The following KCNIP4 variants were observed in gnomAD, a reference collection of about 807,000 sequenced individuals.
The protein encoded by KCNIP4 is potassium voltage-gated channel interacting protein 4.
Under a neutral mutation model 34.0 loss-of-function variants are expected in KCNIP4, and 12 were observed. The ratio of observed to expected loss-of-function variants is 0.35; its 90% CI spans 0.23 to 0.57. The LOEUF (loss-of-function observed/expected upper bound fraction) is 0.57. Ranked by LOEUF, KCNIP4 falls within the 20% of genes least tolerant of loss-of-function variation. KCNIP4 has a pLI of 0.83. For missense variants in KCNIP4, 238 were observed against 311.7 expected, an observed-to-expected ratio of 0.76 and a Z score of 1.78; for synonymous variants, 124 against 102.2, an observed-to-expected ratio of 1.21 and a Z score of -1.29.
At chr4:20,977,641 G>A (rs1490593798) in intron 1 of KCNIP4, among the ~76,000 whole-genome samples, 2 of 152,134 alleles carry the variant, frequency 1.3e-5, no homozygotes, top group African/African-American at 4.8e-5. Flanking sequence ...ACATTGCCAG[G>A]TCCAAGCAGA....
At chr4:20,877,913 T>C (rs1285316244) in intron 2 of KCNIP4, among the ~76,000 whole-genome samples, 1 of 152,120 alleles carries the variant, frequency 6.6e-6, no homozygotes, top group Non-Finnish European at 1.5e-5. Context: ...CAATTGTGAA[T>C]TGGGTAAAAC....
chr4:21,874,035 T>C (rs1209693975), intron 1 of KCNIP4, among the ~76,000 whole-genome samples: 6 of 152,212 alleles, frequency 3.9e-5, no homozygotes, highest in Non-Finnish European at 8.8e-5. Context: ...AATCCTGGGC[T>C]CTTGCCAAGC....
chr4:20,881,717 A>G (rs1388282044), intron 2 of KCNIP4, among the ~76,000 whole-genome samples: 1 of 152,238 alleles, frequency 6.6e-6, no homozygotes, highest in Admixed American at 6.5e-5. Flanking sequence ...TCGGCAGGCT[A>G]TAGTACACAG....
chr4:21,764,164 T>A (rs1233310296), intron 1 of KCNIP4, among the ~76,000 whole-genome samples: 1 of 152,142 alleles, frequency 6.6e-6, no homozygotes, highest in Non-Finnish European at 1.5e-5. Context: ...TTTTCCATAA[T>A]GGCTGGAGAT....
At chr4:21,206,938 A>C (rs1756889757) in intron 1 of KCNIP4, among the ~76,000 whole-genome samples, 1 of 152,150 alleles carries the variant, frequency 6.6e-6, no homozygotes, top group African/African-American at 2.4e-5. Context: ...CATGTTTATG[A>C]GTGTACTCAT....
chr4:21,104,575 C>T (rs997594406), intron 1 of KCNIP4, among the ~76,000 whole-genome samples: 1 of 152,072 alleles, frequency 6.6e-6, no homozygotes, highest in Non-Finnish European at 1.5e-5. Context: ...GTTTCTTTTG[C>T]TGTGCAGAAG....
intron 3 of KCNIP4, among the ~76,000 whole-genome samples, chr4:20,805,164 C>T (rs1714897941): frequency 7.0e-6 from 1 of 141,874 alleles, no homozygotes; most frequent in South Asian, 2.3e-4. Context: ...AAATACTAAG[C>T]AGAAAATATC....
chr4:21,300,511 A>C (rs1341725834), intron 1 of KCNIP4, among the ~76,000 whole-genome samples: 4 of 152,178 alleles, frequency 2.6e-5, no homozygotes, highest in Non-Finnish European at 5.9e-5. Flanking sequence ...AATAAATATT[A>C]ATGGAATTAC....
intron 1 of KCNIP4, among the ~76,000 whole-genome samples, chr4:21,833,811 G>A (rs1164789260): frequency 3.3e-5 from 5 of 152,092 alleles, no homozygotes; most frequent in African/African-American, 1.2e-4. Flanking sequence ...CCTACATATG[G>A]CTAGCCAGTT....
intron 3 of KCNIP4, among the ~76,000 whole-genome samples, chr4:20,811,853 A>G (rs1185348556): frequency 7.2e-5 from 11 of 152,216 alleles, no homozygotes; most frequent in Admixed American, 7.2e-4. Context: ...GATTCAATGA[A>G]TGAGGCAGAG....
chr4:20,896,283 A>G (rs1301427996), intron 1 of KCNIP4, among the ~76,000 whole-genome samples: 2 of 152,148 alleles, frequency 1.3e-5, no homozygotes, highest in African/African-American at 4.8e-5. Context: ...CCCCTGTAGG[A>G]ATTTAACTTT....
intron 1 of KCNIP4, among the ~76,000 whole-genome samples, chr4:20,891,535 G>A (rs912417872): frequency 3.3e-5 from 5 of 152,128 alleles, no homozygotes; most frequent in African/African-American, 1.2e-4. Context: ...AACCCGGGAG[G>A]CAGAGGTTGC....
chr4:20,734,431 T>A lies in KCNIP4; in HGVS notation c.537+197A>T, dbSNP rs73110230. Among the ~76,000 whole-genome samples the A allele has an allele frequency of 9.7e-3, 1,483 of 152,328 alleles. 16 individuals are homozygous for A. Among genetic ancestry groups the A allele is most frequent in the African/African-American group, 0.033 (1,392 of 41,564 alleles). On this transcript the variant is annotated intron_variant, in intron 6 of 8. Coordinates refer to ENST00000382152, the MANE Select transcript of KCNIP4 (RefSeq NM_025221.6). ...AGGAAACAAGGGTGTAATCTTTATG[T>A]GTTATATATTTACTTTGGAGCTTCA...
chr4:20,902,887 G>C (rs1391175276), intron 1 of KCNIP4, among the ~76,000 whole-genome samples: 1 of 152,172 alleles, frequency 6.6e-6, no homozygotes, highest in African/African-American at 2.4e-5. Flanking sequence ...GGTATGTGTA[G>C]TGGCAACGTG....
chr4:21,754,179 A>C (rs1717348696), intron 1 of KCNIP4, among the ~76,000 whole-genome samples: 1 of 152,162 alleles, frequency 6.6e-6, no homozygotes, highest in South Asian at 2.1e-4. Flanking sequence ...TTCGCTCAAT[A>C]AAATTTATTT....
chr4:21,066,592 A>G (rs1259859776), intron 1 of KCNIP4, among the ~76,000 whole-genome samples: 2 of 152,134 alleles, frequency 1.3e-5, no homozygotes, highest in Non-Finnish European at 2.9e-5. Flanking sequence ...GGAAGGGAGA[A>G]TGCAGTGATT....
chr4:21,258,695 G>A (rs145663431), intron 1 of KCNIP4, among the ~76,000 whole-genome samples: 3 of 152,162 alleles, frequency 2.0e-5, no homozygotes, highest in African/African-American at 4.8e-5. Context: ...GCAAAAAACT[G>A]GTGATGCTGA....
chr4:21,191,555 G>A (rs1268976956), intron 1 of KCNIP4, among the ~76,000 whole-genome samples: 4 of 152,162 alleles, frequency 2.6e-5, no homozygotes, highest in Non-Finnish European at 5.9e-5. Flanking sequence ...GGTTACATGA[G>A]CAACAGAATG....
chr4:21,065,726 CTATATATATATATATATATATATA>C (rs5856598), intron 1 of KCNIP4, among the ~76,000 whole-genome samples: 2 of 86,370 alleles, frequency 2.3e-5, no homozygotes, highest in Non-Finnish European at 4.5e-5. Context: ...TATCATTTGT[CTATATATATATATATATATATATA>C]TATATATATA....
Sources: allele counts gnomAD v4.1 joint callset (sites outside exome capture counted in the v4.1 genomes callset), GRCh38; gene constraint gnomAD v4.1.1; transcripts MANE v1.5; gene names NCBI Gene and HGNC (gene_info 2026-07-23, HGNC 2026-07-21).